BCAS3: variants seen among roughly 807,000 people sequenced by gnomAD.
BCAS3 encodes the protein BCAS4/BCAS3 fusion.
BCAS3 carries 53 observed loss-of-function variants against 116.1 expected under a neutral mutation model. The observed-to-expected ratio is 0.46, with a 90% CI of 0.37 to 0.57. BCAS3 has a LOEUF of 0.57. Among genes scored for constraint, BCAS3 ranks in the 20% least tolerant of loss-of-function variants. The pLI is 0.00. For synonymous variants in BCAS3, 391 were observed against 408.2 expected (o/e 0.96, Z 0.51); for missense variants, 917 against 1,165.4 (o/e 0.79, Z 3.10).
chr17:60,770,697 C>T (rs1194386101), intron 6 of BCAS3, among the ~76,000 whole-genome samples: 2 of 151,628 alleles, frequency 1.3e-5, no homozygotes, highest in Non-Finnish European at 2.9e-5. Flanking sequence ...GCATGAGCCA[C>T]TGCACCTGGC....
intron 22 of BCAS3, among the ~76,000 whole-genome samples, chr17:61,284,762 G>C (rs2051579611): frequency 6.6e-6 from 1 of 151,322 alleles, no homozygotes; most frequent in South Asian, 2.1e-4. Flanking sequence ...GCCAGTTGTT[G>C]CAAAGGTAGA....
rs948295600 is a variant in BCAS3, at chr17:61,140,053, T to C, written c.2425+55489T>C. 6.6e-6 allele frequency among the ~76,000 whole-genome samples: 1 copy of C among 152,064 alleles called. No homozygotes were observed. The highest frequency in any genetic ancestry group is 1.5e-5 in the Non-Finnish European group (1 of 68,018). On this transcript the variant is annotated intron_variant, in intron 22 of 23. Transcript: ENST00000407086. The surrounding 1 kb of genome is among the most constrained non-coding windows in gnomAD (Gnocchi z 4.2). ...GAGTTCGAGGTCAGACTGGCCAATA[T>C]AGTGAAACCCCATCTCTACTAAAAA... is the stretch of plus-strand genomic sequence containing the variant.
At chr17:60,701,322 G>T (rs963412397) in intron 4 of BCAS3, among the ~76,000 whole-genome samples, 2 of 152,166 alleles carry the variant, frequency 1.3e-5, no homozygotes, top group African/African-American at 4.8e-5. Context: ...ATTGCTTTAT[G>T]ATTTTGGAAA....
At chr17:61,257,293 C>T (rs763554825) in intron 22 of BCAS3, among the ~76,000 whole-genome samples, 2 of 151,994 alleles carry the variant, frequency 1.3e-5, no homozygotes, top group Non-Finnish European at 2.9e-5. Context: ...GGTGGCCACA[C>T]GCCTGTAGTC....
intron 22 of BCAS3, among the ~76,000 whole-genome samples, chr17:61,240,323 T>C (rs1005355783): frequency 1.3e-5 from 2 of 152,150 alleles, no homozygotes; most frequent in Admixed American, 1.3e-4. Context: ...GATTCCAAGG[T>C]CCATATTCTT....
intron 22 of BCAS3, among the ~76,000 whole-genome samples, chr17:61,158,990 A>G (rs1330417014): frequency 6.6e-6 from 1 of 152,240 alleles, no homozygotes; most frequent in African/African-American, 2.4e-5. Context: ...CTCAAAATAT[A>G]TGTAATCATA....
chr17:61,014,569 T>C (rs2065317452), intron 15 of BCAS3, among the ~76,000 whole-genome samples: 1 of 150,620 alleles, frequency 6.6e-6, no homozygotes, highest in Admixed American at 6.6e-5. Context: ...TACACAAAAA[T>C]GAACTAAAAA....
chr17:60,992,857 G>A (rs1332589858), intron 15 of BCAS3, among the ~76,000 whole-genome samples: 1 of 152,090 alleles, frequency 6.6e-6, no homozygotes, highest in Non-Finnish European at 1.5e-5. Context: ...TGTAGTATAG[G>A]TTCTTTGGGG....
At position 60,947,319 on chromosome 17, in the gene BCAS3, G is replaced by C. The variant is rs1375182788; in HGVS notation, c.1188G>C (p.Leu396=). The change falls in exon 14 of 24, where the codon CTG becomes CTC. Residue 396 remains leucine (L), a synonymous_variant. Coordinates refer to ENST00000407086, the MANE Select transcript of BCAS3 (RefSeq NM_017679.5). ...WSSSQCAVHH[L]YTLHRGETEA... is the part of the protein sequence containing the mutation. ...CATCACAATGTGCTGTCCACCATCT[G>C]TATACTCTTCACAGGGGAGAAACTG... The C allele has an allele frequency of 6.2e-6, 10 of 1,613,622 alleles. No individual in the cohort carries two copies. The South Asian group carries it at 9.9e-5, about 16-fold the overall frequency.
intron 22 of BCAS3, among the ~76,000 whole-genome samples, chr17:61,255,919 G>T (rs1272043173): frequency 8.5e-5 from 13 of 152,192 alleles, no homozygotes; most frequent in Admixed American, 8.5e-4. Flanking sequence ...ACTATGAAGA[G>T]ATTTGCTCCT....
intron 22 of BCAS3, among the ~76,000 whole-genome samples, chr17:61,334,196 C>T (rs143309635): frequency 2.7e-4 from 41 of 152,234 alleles, no homozygotes; most frequent in African/African-American, 7.9e-4. Context: ...CTCCCTTGAA[C>T]ACAGATGAGA....
chr17:61,222,999 G>A lies in BCAS3; in HGVS notation c.2425+138435G>A, dbSNP rs735311. On this transcript the variant is annotated intron_variant, in intron 22 of 23. Coordinates refer to ENST00000407086, the MANE Select transcript of BCAS3 (RefSeq NM_017679.5). The surrounding 1 kb of genome is among the most constrained non-coding windows in gnomAD (Gnocchi z 6.1). ...CTGGGCTTTTCTCCTTTTCCAGTCC[G>A]GTTGTTCCCAAAATCACTAGTTTAA... 0.029 allele frequency among the ~76,000 whole-genome samples: 4,374 copies of A among 152,142 alleles called. 89 individuals are homozygous for A. The highest frequency in any genetic ancestry group is 0.095 in the Middle Eastern group (28 of 294).
chr17:61,027,049 C>T (rs945364457), intron 16 of BCAS3: 44 of 638,932 alleles, frequency 6.9e-5, no homozygotes, highest in Non-Finnish European at 9.8e-5. Flanking sequence ...GTAGATGGAA[C>T]ATGAATGTTG....
intron 22 of BCAS3, among the ~76,000 whole-genome samples, chr17:61,177,539 A>G (rs2079216011): frequency 6.6e-6 from 1 of 152,204 alleles, no homozygotes; most frequent in African/African-American, 2.4e-5. Context: ...TTTCCTGGAT[A>G]TCCAAATGGG....
intron 7 of BCAS3, among the ~76,000 whole-genome samples, chr17:60,844,996 G>A (rs866283156): frequency 1.5e-4 from 23 of 152,170 alleles, no homozygotes; most frequent in South Asian, 1.4e-3. Flanking sequence ...ATAGGAGGCC[G>A]AGGCAGGTGG....
At position 61,015,771 on chromosome 17, in the gene BCAS3, T is replaced by A. The variant is rs767167945; in HGVS notation, c.1507T>A (p.Ser503Thr). The change falls in exon 16 of 24, where the codon TCC becomes ACC. Residue 503 changes from serine (S) to threonine (T), a missense_variant. By Grantham distance (58) the Ser-to-Thr change is moderately conservative (BLOSUM62 1). Coordinates refer to ENST00000407086, the MANE Select transcript of BCAS3 (RefSeq NM_017679.5). ...TGTAGGGAAACTGAACAGCCAAGACTCCTATAACAATTTTACCAACAACAA... is the reference window on the plus strand; with the variant it reads ...TGTAGGGAAACTGAACAGCCAAGACACCTATAACAATTTTACCAACAACAA... The part of the protein sequence containing the change: ...PLHGKLNSQD[S>T]YNNFTNNNPG... The A allele has an allele frequency of 6.2e-7, 1 of 1,614,016 alleles. No individual in the cohort carries two copies. Among genetic ancestry groups the A allele is most frequent in the South Asian group, 1.1e-5 (1 of 91,070 alleles).
chr17:60,710,722 T>C (rs148625571), intron 5 of BCAS3, among the ~76,000 whole-genome samples: 3,441 of 151,618 alleles, frequency 0.023, 59 homozygotes, highest in Non-Finnish European at 0.034. Context: ...TGAGCCACCA[T>C]GCCTGGCCAA....
chr17:61,123,294 G>C (rs1165663752), intron 22 of BCAS3, among the ~76,000 whole-genome samples: 1 of 151,996 alleles, frequency 6.6e-6, no homozygotes, highest in Non-Finnish European at 1.5e-5. Flanking sequence ...CTTAGGTGCA[G>C]CATATATGTG....
chr17:61,044,465 A>AAAAAAAAAATATATATATAT, intron 19 of BCAS3, among the ~76,000 whole-genome samples: 6 of 120,118 alleles, frequency 5.0e-5, no homozygotes, highest in African/African-American at 3.0e-4. Context: ...AAAAAAAAAA[A>AAAAAAAAAATATATATATAT]ATATATATAT....
Sources: gnomAD v4.1 joint callset for allele counts (sites outside exome capture counted in the v4.1 genomes callset) on GRCh38, gnomAD v4.1.1 for gene constraint, Gnocchi (gnomAD v3.1) non-coding constraint, MANE v1.5 for transcripts, NCBI Gene and HGNC (gene_info 2026-07-23, HGNC 2026-07-21) for gene names.